The following GADL1 variants were observed in gnomAD, a reference collection of about 807,000 sequenced individuals.
GADL1 encodes acidic amino acid decarboxylase GADL1.
GADL1 carries 71 observed loss-of-function variants against 69.5 expected under a neutral mutation model. The observed-to-expected ratio is 1.02, with a 90% confidence interval of 0.84 to 1.25. GADL1 has a LOEUF of 1.25. Ranked by LOEUF, GADL1 falls within the 50% of genes most tolerant of loss-of-function variation. GADL1 has a pLI of 0.00. For missense variants in GADL1, 737 were observed against 631.8 expected, an observed-to-expected ratio of 1.17 and a Z score of -1.79; for synonymous variants, 254 against 214.4, an observed-to-expected ratio of 1.18 and a Z score of -1.62.
chr3:30,785,762 ACTAT>A (rs1696775457), intron 13 of GADL1, among the ~76,000 whole-genome samples: 1 of 152,202 alleles, frequency 6.6e-6, no homozygotes, highest in African/African-American at 2.4e-5. Flanking sequence ...TAATACATAT[ACTAT>A]AACAAAATCT....
chr3:30,844,289 TCA>T (rs1559359007), intron 7 of GADL1, 25 bp from the exon 8 acceptor site: 3 of 1,603,738 alleles, frequency 1.9e-6, no homozygotes, highest in Admixed American at 3.4e-5. Context: ...TTTGAGACTT[TCA>T]GTTATGTTTA....
At chr3:30,871,682 G>C (rs1191443049) in intron 1 of GADL1, among the ~76,000 whole-genome samples, 1 of 151,688 alleles carries the variant, frequency 6.6e-6, no homozygotes, top group Non-Finnish European at 1.5e-5. Flanking sequence ...ATGAGACTAC[G>C]TTGTGTTAGA....
chr3:30,747,652 C>G (rs146178522), intron 14 of GADL1, among the ~76,000 whole-genome samples: 1 of 152,084 alleles, frequency 6.6e-6, no homozygotes, highest in African/African-American at 2.4e-5. Context: ...TTTATAATTT[C>G]CTTTGAAATG....
intron 14 of GADL1, among the ~76,000 whole-genome samples, chr3:30,756,771 C>T (rs562670795): frequency 6.6e-6 from 1 of 152,300 alleles, no homozygotes; most frequent in South Asian, 2.1e-4. Context: ...AGCCAAGATC[C>T]AGCAGAGCTC....
intron 6 of GADL1, among the ~76,000 whole-genome samples, chr3:30,846,321 GA>G (rs1186639968): frequency 3.9e-5 from 6 of 152,092 alleles, no homozygotes; most frequent in Admixed American, 1.3e-4. Flanking sequence ...TACAGAAGAC[GA>G]AAAAAACTCT....
At chr3:30,810,719 C>G (rs569742826) in intron 11 of GADL1, among the ~76,000 whole-genome samples, 1 of 152,228 alleles carries the variant, frequency 6.6e-6, no homozygotes, top group South Asian at 2.1e-4. Context: ...CCCCAGTCCT[C>G]TCTTGGCCGC....
intron 12 of GADL1, among the ~76,000 whole-genome samples, chr3:30,791,586 C>T (rs922838517): frequency 6.6e-6 from 1 of 152,116 alleles, no homozygotes; most frequent in Non-Finnish European, 1.5e-5. Context: ...AGAGGAAAGG[C>T]ATCCTAAAAC....
intron 2 of GADL1, among the ~76,000 whole-genome samples, chr3:30,860,090 C>T (rs994114735): frequency 6.6e-5 from 10 of 151,886 alleles, no homozygotes; most frequent in South Asian, 2.1e-4. Context: ...AGTACCCTAA[C>T]GCCAAACTTT....
At chr3:30,856,982 G>A (rs1698238543) in intron 3 of GADL1, 33 bp downstream of exon 3, 2 of 1,525,528 alleles carry the variant, frequency 1.3e-6, no homozygotes, top group African/African-American at 2.8e-5. Flanking sequence ...CTTGTCAGAG[G>A]TACAGATCAA....
chr3:30,800,662 A>G, intron 12 of GADL1: 1 of 541,496 alleles, frequency 1.8e-6, no homozygotes. Context: ...GGGAGGTGAT[A>G]GGACTGCTCT....
chr3:30,782,236 A>AAAGC (rs1329005487), intron 13 of GADL1, among the ~76,000 whole-genome samples: 1 of 152,192 alleles, frequency 6.6e-6, no homozygotes, highest in African/African-American at 2.4e-5. Flanking sequence ...TCATCTTTGA[A>AAAGC]AAGCTGCTCT....
intron 1 of GADL1, among the ~76,000 whole-genome samples, chr3:30,865,979 A>G (rs1044136369): frequency 6.7e-6 from 1 of 149,960 alleles, no homozygotes; most frequent in Non-Finnish European, 1.5e-5. Flanking sequence ...AGAGAGATAC[A>G]TTGTTCTCCC....
chr3:30,752,696 A>C (rs1481060058), intron 14 of GADL1, among the ~76,000 whole-genome samples: 1 of 152,186 alleles, frequency 6.6e-6, no homozygotes, highest in Non-Finnish European at 1.5e-5. Flanking sequence ...GGAGAAAGTG[A>C]CTGTTCTAGA....
intron 3 of GADL1, among the ~76,000 whole-genome samples, chr3:30,856,460 G>A (rs1000407563): frequency 6.6e-6 from 1 of 152,024 alleles, no homozygotes; most frequent in African/African-American, 2.4e-5. Flanking sequence ...CAAAAACTTG[G>A]AATGTATTCA....
chr3:30,836,975 G>T (rs1697885450), intron 9 of GADL1, among the ~76,000 whole-genome samples: 1 of 151,986 alleles, frequency 6.6e-6, no homozygotes, highest in African/African-American at 2.4e-5. Flanking sequence ...TCAAATGTAA[G>T]CACCCCCATT....
intron 1 of GADL1, among the ~76,000 whole-genome samples, chr3:30,881,229 C>T (rs983827897): frequency 6.6e-6 from 1 of 151,900 alleles, no homozygotes; most frequent in African/African-American, 2.4e-5. Flanking sequence ...TTTTCATTTA[C>T]ATACACTTTG....
chr3:30,820,249 C>G (rs1697547711), intron 11 of GADL1, among the ~76,000 whole-genome samples: 1 of 151,728 alleles, frequency 6.6e-6, no homozygotes, highest in Non-Finnish European at 1.5e-5. Context: ...TGTGGTAAAA[C>G]TCAATACTAG....
In GADL1 at chr3:30,844,454, T is replaced by C; in HGVS notation, c.664A>G (p.Met222Val). 6.2e-7 allele frequency: 1 copy of C among 1,610,012 alleles called. No individual in the cohort carries two copies. Among genetic ancestry groups the C allele is most frequent in the Non-Finnish European group, 8.5e-7 (1 of 1,176,370 alleles). Reference sequence around the variant, plus strand: ...CCAAGAAAAGAGGCTGCCTTCTTCATAGAGTAATGACACTGAATTCAAAGG... The same window carrying C: ...CCAAGAAAAGAGGCTGCCTTCTTCACAGAGTAATGACACTGAATTCAAAGG... The part of the protein sequence containing the change: ...LFTSAECHYS[M>V]KKAASFLGIG... Residue 222 changes from methionine (M) to valine (V), a missense_variant, in exon 7 of 15, where the codon ATG (methionine) becomes GTG (valine). Physicochemically the swap from Met to Val is conservative, Grantham distance 21 (BLOSUM62 1). Transcript: ENST00000282538.
chr3:30,887,300 A>T (rs1195807272), intron 1 of GADL1, among the ~76,000 whole-genome samples: 2 of 152,330 alleles, frequency 1.3e-5, no homozygotes, highest in East Asian at 3.9e-4. Context: ...CCAATGTGGC[A>T]GTACTAAGAG....
Sources: allele counts gnomAD v4.1 joint callset (sites outside exome capture counted in the v4.1 genomes callset), GRCh38; gene constraint gnomAD v4.1.1; transcripts MANE v1.5; gene names NCBI Gene and HGNC (gene_info 2026-07-23, HGNC 2026-07-21).